Variants in STAG1 observed in about 807,000 individuals in gnomAD.
STAG1 encodes cohesin subunit SA-1.
In STAG1, 26 loss-of-function variants were observed where a neutral mutation model predicts 170.9. That is an observed-to-expected ratio of 0.15 (90% CI 0.11 to 0.21). The LOEUF (loss-of-function observed/expected upper bound fraction) is 0.21, where lower values mean the gene tolerates loss of function less well. STAG1 is among the 10% of genes least tolerant of loss of function. The probability of loss-of-function intolerance (pLI) is 1.00; values close to 1 mark genes in which losing one functional copy is unlikely to be tolerated. For missense variants in STAG1, 964 were observed against 1,509.5 expected, an observed-to-expected ratio of 0.64 and a Z score of 5.99; for synonymous variants, 514 against 497.7, an observed-to-expected ratio of 1.03 and a Z score of -0.44.
At chr3:136,667,671 T>C (rs373680713) in intron 1 of STAG1, among the ~76,000 whole-genome samples, 52 of 152,172 alleles carry the variant, frequency 3.4e-4, no homozygotes, top group African/African-American at 9.9e-4. Context: ...AAGTTTTATA[T>C]TTTTAGTAGA....
chr3:136,373,929 T>C (rs1287100162), intron 23 of STAG1, among the ~76,000 whole-genome samples: 1 of 152,168 alleles, frequency 6.6e-6, no homozygotes, highest in Non-Finnish European at 1.5e-5. Flanking sequence ...CTGTCTAATA[T>C]TGACAGTGGG....
chr3:136,561,191 G>A (rs933469597), intron 5 of STAG1, among the ~76,000 whole-genome samples: 2 of 152,118 alleles, frequency 1.3e-5, no homozygotes, highest in Non-Finnish European at 2.9e-5. Context: ...GTCCCTTGTC[G>A]TTTGACTTTC....
At chr3:136,534,795 G>A (rs1935543897) in intron 6 of STAG1, among the ~76,000 whole-genome samples, 1 of 152,178 alleles carries the variant, frequency 6.6e-6, no homozygotes, top group Non-Finnish European at 1.5e-5. Context: ...TACACTGTTG[G>A]TGGGAATGTA....
chr3:136,501,128 C>T (rs2107864258), intron 8 of STAG1, among the ~76,000 whole-genome samples: 1 of 152,234 alleles, frequency 6.6e-6, no homozygotes, highest in South Asian at 2.1e-4. Flanking sequence ...CAAAATCATT[C>T]AAATTTCTGC....
intron 3 of STAG1, among the ~76,000 whole-genome samples, chr3:136,610,389 T>C (rs749116373): frequency 9.3e-4 from 142 of 152,348 alleles, no homozygotes; most frequent in Admixed American, 2.6e-3. Context: ...TCCTTGATCA[T>C]GGCTCTCCCT....
At chr3:136,656,617 T>TTGTGTGTGTGTGTGTGTGGGTGTGTG (rs1941382770) in intron 1 of STAG1, among the ~76,000 whole-genome samples, 1 of 143,294 alleles carries the variant, frequency 7.0e-6, no homozygotes, top group African/African-American at 2.7e-5. Flanking sequence ...CTGTATTTAT[T>TTGTGTGTGTGTGTGTGTGGGTGTGTG]TGTGTGTGTG....
chr3:136,360,319 C>T (rs930047433), intron 26 of STAG1, among the ~76,000 whole-genome samples: 5 of 152,104 alleles, frequency 3.3e-5, no homozygotes, highest in African/African-American at 1.2e-4. Flanking sequence ...CTTGTGTTTA[C>T]TGCTCTCTCC....
At chr3:136,740,326 T>A (rs925161541) in intron 1 of STAG1, among the ~76,000 whole-genome samples, 1 of 152,192 alleles carries the variant, frequency 6.6e-6, no homozygotes, top group Non-Finnish European at 1.5e-5. Context: ...AGCTTCTCCA[T>A]AATATGTCCC....
intron 13 of STAG1, among the ~76,000 whole-genome samples, chr3:136,464,369 G>T (rs2089386814): frequency 6.6e-6 from 1 of 151,796 alleles, no homozygotes; most frequent in Non-Finnish European, 1.5e-5. Context: ...GTTGTGGTGA[G>T]TCGAGACTGC....
intron 1 of STAG1, among the ~76,000 whole-genome samples, chr3:136,645,209 C>T (rs990478767): frequency 1.3e-5 from 2 of 152,218 alleles, no homozygotes; most frequent in African/African-American, 2.4e-5. Context: ...CCTGATTTCA[C>T]TGCTCAGAGA....
At chr3:136,486,819 A>C (rs2090022157) in intron 9 of STAG1, among the ~76,000 whole-genome samples, 1 of 152,080 alleles carries the variant, frequency 6.6e-6, no homozygotes, top group Non-Finnish European at 1.5e-5. Context: ...GCTAGAGAAC[A>C]ACCAGTCTTA....
chr3:136,671,324 C>T (rs955478090), intron 1 of STAG1, among the ~76,000 whole-genome samples: 2 of 151,970 alleles, frequency 1.3e-5, no homozygotes, highest in Admixed American at 1.3e-4. Flanking sequence ...AAAAATCATA[C>T]GTGCCATATA....
intron 21 of STAG1, among the ~76,000 whole-genome samples, chr3:136,415,351 T>C (rs2087741799): frequency 6.6e-6 from 1 of 151,534 alleles, no homozygotes; most frequent in African/African-American, 2.4e-5. Flanking sequence ...GTCAAACATA[T>C]AGCTAATATA....
At chr3:136,376,489 A>G (rs1162155477) in intron 23 of STAG1, among the ~76,000 whole-genome samples, 4 of 151,356 alleles carry the variant, frequency 2.6e-5, no homozygotes, top group Non-Finnish European at 5.9e-5. Context: ...CTTCTACACC[A>G]TTGTCCAAGT....
At chr3:136,420,185 T>G (rs990076888) in intron 20 of STAG1, among the ~76,000 whole-genome samples, 19 of 141,758 alleles carry the variant, frequency 1.3e-4, no homozygotes, top group Non-Finnish European at 2.8e-4. Context: ...AGGCGGCAGT[T>G]GCAGTGAGCC....
intron 1 of STAG1, among the ~76,000 whole-genome samples, chr3:136,723,656 G>A (rs558903760): frequency 4.1e-5 from 6 of 146,528 alleles, no homozygotes; most frequent in African/African-American, 1.5e-4. Context: ...GGAGGGAGGT[G>A]GGGGGGTCAG....
intron 1 of STAG1, among the ~76,000 whole-genome samples, chr3:136,732,955 A>G (rs1576826411): frequency 6.6e-6 from 1 of 152,208 alleles, no homozygotes; most frequent in East Asian, 1.9e-4. Context: ...GCTGATGAGA[A>G]CCAATTAACT....
intron 9 of STAG1, among the ~76,000 whole-genome samples, chr3:136,488,224 G>T (rs1054763860): frequency 6.6e-6 from 1 of 152,238 alleles, no homozygotes; most frequent in East Asian, 1.9e-4. Context: ...CTGGGTTCAA[G>T]TGATTCTCCT....
chr3:136,339,109 T>G (rs1355678854), intron 32 of STAG1, among the ~76,000 whole-genome samples: 1 of 151,998 alleles, frequency 6.6e-6, no homozygotes, highest in African/African-American at 2.4e-5. Context: ...GGGGCCCTGA[T>G]AAGAAGAGGA....
Sources: gnomAD v4.1 joint callset for allele counts (sites outside exome capture counted in the v4.1 genomes callset) on GRCh38, gnomAD v4.1.1 for gene constraint, MANE v1.5 for transcripts, NCBI Gene and HGNC (gene_info 2026-07-23, HGNC 2026-07-21) for gene names.